Variants in FRMD6 observed in about 807,000 individuals in gnomAD.
FRMD6 encodes the protein FERM domain-containing protein 6.
FRMD6 carries 37 observed loss-of-function variants against 73.2 expected under a neutral mutation model. The observed-to-expected ratio is 0.51, with a 90% CI of 0.39 to 0.66. The LOEUF is 0.66. Ranked by LOEUF, FRMD6 falls within the 30% of genes least tolerant of loss-of-function variation. The probability of loss-of-function intolerance (pLI) is 0.00; values close to 1 mark genes in which losing one functional copy is unlikely to be tolerated. For synonymous variants in FRMD6, 273 were observed against 282.2 expected (o/e 0.97, Z 0.33); for missense variants, 714 against 780.5 (o/e 0.91, Z 1.02).
the FRMD6 span, among the ~76,000 whole-genome samples, chr14:51,413,040 G>A: frequency 2.0e-5 from 3 of 148,456 alleles, no homozygotes; most frequent in South Asian, 6.6e-4. Context: ...CGCCAGGCTG[G>A]AGCGCAGTGG....
chr14:51,554,977 A>G (rs1041597161), intron 1 of FRMD6, among the ~76,000 whole-genome samples: 1 of 152,234 alleles, frequency 6.6e-6, no homozygotes, highest in Non-Finnish European at 1.5e-5. Context: ...TTTTCTGTAA[A>G]TCTAAACTGT....
At chr14:51,430,279 G>C in the FRMD6 span, among the ~76,000 whole-genome samples, 1 of 152,146 alleles carries the variant, frequency 6.6e-6, no homozygotes, top group Non-Finnish European at 1.5e-5. Flanking sequence ...GAAAGAAAGA[G>C]TTCTTTGTGT....
In FRMD6 at chr14:51,598,158, C is replaced by T. The variant is rs115026945; in HGVS notation, c.-147+27748C>T. Among the ~76,000 whole-genome samples the T allele has an allele frequency of 5.8e-3, 882 of 152,238 alleles. 6 individuals carry two copies. Among genetic ancestry groups the T allele is most frequent in the African/African-American group, 0.02 (840 of 41,536 alleles). On this transcript the variant is annotated intron_variant, in intron 2 of 14. Transcript: ENST00000356218. ...GAATGAGAGAAAAACAGCTTTGCTC[C>T]AGAGAGGAGAAAAAATTAAAGAAAA...
At chr14:51,562,292 CAGG>C (rs1483473022) in intron 1 of FRMD6, among the ~76,000 whole-genome samples, 2 of 152,174 alleles carry the variant, frequency 1.3e-5, no homozygotes, top group Non-Finnish European at 2.9e-5. Flanking sequence ...GAGTAGGCCA[CAGG>C]AGATTAGATC....
chr14:51,717,050 G>A lies in FRMD6; in HGVS notation c.1024+1551G>A, dbSNP rs1197101875. 1.1e-4 allele frequency among the ~76,000 whole-genome samples: 16 copies of A among 152,274 alleles called. No individual in the cohort carries two copies. In the East Asian group the frequency reaches 3.1e-3, roughly 29 times the overall value. ...CCCTTCAGAGCCTTAAAGAATTAAT[G>A]ACCTTCCTCTATAGGTTCTAAGGTA... On this transcript the variant is annotated intron_variant, in intron 10 of 13. Transcript: ENST00000344768.
the FRMD6 span, among the ~76,000 whole-genome samples, chr14:51,418,072 T>A: frequency 6.6e-6 from 1 of 152,328 alleles, no homozygotes; most frequent in East Asian, 1.9e-4. Context: ...TTCAAGGTTT[T>A]TAGCTTCCTT....
intron 1 of FRMD6, among the ~76,000 whole-genome samples, chr14:51,515,097 A>T (rs1344038548): frequency 1.3e-5 from 2 of 152,110 alleles, no homozygotes; most frequent in African/African-American, 2.4e-5. Flanking sequence ...GTGCTACAGG[A>T]TGGAAGTAGA....
chr14:51,584,230 C>T (rs1888895717), intron 2 of FRMD6: 1 of 152,150 alleles, frequency 6.6e-6, no homozygotes, highest in South Asian at 2.1e-4. Flanking sequence ...AAGCCTATTT[C>T]CAATGTTCCA....
intron 1 of FRMD6, among the ~76,000 whole-genome samples, chr14:51,502,127 A>AT (rs1217744855): frequency 6.6e-6 from 1 of 151,938 alleles, no homozygotes; most frequent in Non-Finnish European, 1.5e-5. Context: ...GACCTTCAAA[A>AT]TTTTTTCCCA....
In FRMD6 at chr14:51,720,112, A is replaced by C. The variant is rs758822515; in HGVS notation, c.1082A>C (p.Gln361Pro). The C allele has an allele frequency of 5.0e-6, 8 of 1,613,686 alleles. No individual in the cohort carries two copies. The African/African-American group carries it at 1.1e-4, about 22-fold the overall frequency. ...ISDNLDLDMD[Q>P]LEKRSRASGS... is the part of the protein sequence containing the mutation. Reference sequence around the variant, plus strand: ...GACAACCTGGACCTCGACATGGACCAGCTGGAAAAACGGTCGCGGGCCAGC... The same window carrying C: ...GACAACCTGGACCTCGACATGGACCCGCTGGAAAAACGGTCGCGGGCCAGC... The change falls in exon 11 of 14, where the codon CAG becomes CCG. Residue 361 changes from glutamine (Q) to proline (P), a missense_variant. Gln to Pro is a moderately conservative substitution (Grantham distance 76). Transcript: ENST00000344768.
intron 3 of FRMD6, among the ~76,000 whole-genome samples, chr14:51,699,381 T>C (rs1896144923): frequency 6.6e-6 from 1 of 152,092 alleles, no homozygotes; most frequent in Non-Finnish European, 1.5e-5. Context: ...AAGTAACTTT[T>C]AGTATTCCAT....
intron 1 of FRMD6, among the ~76,000 whole-genome samples, chr14:51,529,474 G>C (rs1319798536): frequency 6.6e-6 from 1 of 151,900 alleles, no homozygotes; most frequent in East Asian, 1.9e-4. Flanking sequence ...CATACACAGA[G>C]AGAGAGAGAG....
chr14:51,423,510 A>C, the FRMD6 span, among the ~76,000 whole-genome samples: 1 of 152,194 alleles, frequency 6.6e-6, no homozygotes. Flanking sequence ...TGAGCTCCTG[A>C]GATGGCTCAC....
intron 1 of FRMD6, chr14:51,546,853 T>A (rs951141525): frequency 6.6e-5 from 10 of 152,162 alleles, no homozygotes; most frequent in Admixed American, 6.5e-4. Flanking sequence ...AGAGATAGTA[T>A]CACTACAGGA....
chr14:51,525,489 G>C (rs1384327940), intron 1 of FRMD6, among the ~76,000 whole-genome samples: 2 of 151,966 alleles, frequency 1.3e-5, no homozygotes, highest in Non-Finnish European at 2.9e-5. Flanking sequence ...GGCTGGTCTT[G>C]ATCTGCTGAC....
chr14:51,656,014 T>TA (rs1209902267), intron 1 of FRMD6, among the ~76,000 whole-genome samples: 5 of 152,236 alleles, frequency 3.3e-5, no homozygotes, highest in African/African-American at 1.2e-4. Context: ...AAACTACTAA[T>TA]GTCTACTTCC....
At chr14:51,559,918 C>T (rs1596600638) in intron 1 of FRMD6, among the ~76,000 whole-genome samples, 1 of 152,170 alleles carries the variant, frequency 6.6e-6, no homozygotes, top group Non-Finnish European at 1.5e-5. Context: ...AACTGGATGA[C>T]TTATAAAGCC....
intron 2 of FRMD6, among the ~76,000 whole-genome samples, chr14:51,578,126 G>C (rs994626647): frequency 6.6e-6 from 1 of 152,152 alleles, no homozygotes; most frequent in Admixed American, 6.5e-5. Flanking sequence ...GGAACTTTTA[G>C]AGACCTGGTC....
chr14:51,644,925 T>C (rs1197455058), intron 2 of FRMD6, among the ~76,000 whole-genome samples: 1 of 152,238 alleles, frequency 6.6e-6, no homozygotes, highest in Non-Finnish European at 1.5e-5. Context: ...TGGCCAGTAC[T>C]TTCTTTTCTC....
Sources: allele counts gnomAD v4.1 joint callset (sites outside exome capture counted in the v4.1 genomes callset), GRCh38; gene constraint gnomAD v4.1.1; transcripts MANE v1.5; gene names NCBI Gene and HGNC (gene_info 2026-07-23, HGNC 2026-07-21).